The following TTLL13 variants were observed in gnomAD, a reference collection of about 807,000 sequenced individuals.
The protein encoded by TTLL13 is tubulin polyglutamylase TTLL13.
At chr15:90,257,361 G>A in the TTLL13 span, 1 of 1,514,130 alleles carries the variant, frequency 6.6e-7, no homozygotes, top group Middle Eastern at 2.0e-4. Context: ...AGAGAGGTTT[G>A]TCACTGTCAC....
the TTLL13 span, chr15:90,264,795 A>G: frequency 1.3e-6 from 2 of 1,536,132 alleles, no homozygotes; most frequent in Non-Finnish European, 1.7e-6. Context: ...TTAACCCCAA[A>G]GCAGGGCTAT....
the TTLL13 span, chr15:90,250,600 C>A: frequency 6.2e-7 from 1 of 1,601,474 alleles, no homozygotes; most frequent in Non-Finnish European, 8.5e-7. Flanking sequence ...ACACTTCATT[C>A]CCACCCCGCA....
the TTLL13 span, chr15:90,262,560 C>T: frequency 9.8e-6 from 15 of 1,534,014 alleles, no homozygotes; most frequent in Non-Finnish European, 1.3e-5. Flanking sequence ...AGGCAAAAGG[C>T]CAGGGACCAG....
chr15:90,262,906 G>T, the TTLL13 span: 1 of 1,488,970 alleles, frequency 6.7e-7, no homozygotes, highest in South Asian at 1.3e-5. Flanking sequence ...TAGCCATCCT[G>T]GGTGATGGTT....
the TTLL13 span, chr15:90,253,162 G>A: frequency 9.6e-7 from 1 of 1,043,650 alleles, no homozygotes; most frequent in East Asian, 2.4e-5. Flanking sequence ...CTCGGGTCAG[G>A]TGTATACCTT....
chr15:90,257,516 G>A, the TTLL13 span: 1 of 1,045,352 alleles, frequency 9.6e-7, no homozygotes, highest in Non-Finnish European at 1.4e-6. Context: ...GCAGTCCTCT[G>A]GTGGAGAGAG....
At chr15:90,260,850 CAAA>C in the TTLL13 span, among the ~76,000 whole-genome samples, 5 of 60,210 alleles carry the variant, frequency 8.3e-5, no homozygotes, top group Non-Finnish European at 7.5e-5. Context: ...GACTCTGTCT[CAAA>C]AAAAAAAAAA....
At chr15:90,262,085 C>T in the TTLL13 span, 9 of 1,535,888 alleles carry the variant, frequency 5.9e-6, no homozygotes, top group African/African-American at 1.4e-5. Context: ...AAAATACCGG[C>T]GGATCTACCC....
At chr15:90,256,455 C>G in the TTLL13 span, among the ~76,000 whole-genome samples, 1 of 152,204 alleles carries the variant, frequency 6.6e-6, no homozygotes, top group African/African-American at 2.4e-5. Flanking sequence ...CAGAACCAGC[C>G]TGCCTGGGGT....
the TTLL13 span, chr15:90,257,894 C>T: frequency 1.1e-6 from 1 of 938,252 alleles, no homozygotes; most frequent in Non-Finnish European, 1.6e-6. Flanking sequence ...CAAACCTCAC[C>T]CTGATAACTA....
the TTLL13 span, chr15:90,258,017 T>G: frequency 6.2e-7 from 1 of 1,611,216 alleles, no homozygotes; most frequent in Non-Finnish European, 8.5e-7. Context: ...CTGGCCTTCC[T>G]CTGAGCACTG....
At chr15:90,262,990 A>C in the TTLL13 span, 21 of 1,535,872 alleles carry the variant, frequency 1.4e-5, no homozygotes, top group Non-Finnish European at 1.7e-5. Flanking sequence ...GCTGGACACC[A>C]TGAGGCCTCA....
At chr15:90,255,545 ATG>A in the TTLL13 span, among the ~76,000 whole-genome samples, 1 of 151,836 alleles carries the variant, frequency 6.6e-6, no homozygotes, top group Non-Finnish European at 1.5e-5. Flanking sequence ...CTCAGTGTGG[ATG>A]TGTGTGTTGG....
the TTLL13 span, chr15:90,251,517 C>T: frequency 6.3e-7 from 1 of 1,596,218 alleles, no homozygotes; most frequent in South Asian, 1.1e-5. Context: ...GTCCTTCCCT[C>T]CCACTCTTCC....
At chr15:90,259,774 A>G in the TTLL13 span, among the ~76,000 whole-genome samples, 4 of 152,366 alleles carry the variant, frequency 2.6e-5, no homozygotes, top group African/African-American at 7.2e-5. Context: ...TAGTCATTCA[A>G]TAATAGAGAA....
the TTLL13 span, chr15:90,257,301 CTCT>C: frequency 6.3e-7 from 1 of 1,597,704 alleles, no homozygotes; most frequent in South Asian, 1.1e-5. Context: ...CTGGGAAGCA[CTCT>C]TCTTTTCCAC....
chr15:90,264,804 A>T, the TTLL13 span: 1 of 1,535,938 alleles, frequency 6.5e-7, no homozygotes, highest in African/African-American at 1.4e-5. Flanking sequence ...AAGCAGGGCT[A>T]TTTTCTGCAA....
the TTLL13 span, chr15:90,258,973 G>C: frequency 6.2e-7 from 1 of 1,613,436 alleles, no homozygotes. Context: ...TTATTCCTGA[G>C]AGTAAAAGTC....
the TTLL13 span, chr15:90,262,997 C>A: frequency 6.5e-7 from 1 of 1,536,012 alleles, no homozygotes; most frequent in Non-Finnish European, 8.7e-7. Flanking sequence ...ACCATGAGGC[C>A]TCAAGAAATT....
Sources: allele counts gnomAD v4.1 joint callset (sites outside exome capture counted in the v4.1 genomes callset), GRCh38; gene constraint gnomAD v4.1.1; transcripts MANE v1.5; gene names NCBI Gene and HGNC (gene_info 2026-07-23, HGNC 2026-07-21).